BAZ2B: variants seen among roughly 807,000 people sequenced by gnomAD.
BAZ2B encodes the protein bromodomain adjacent to zinc finger domain 2B.
Under a neutral mutation model 246.0 loss-of-function variants are expected in BAZ2B, and 91 were observed. The observed-to-expected ratio is 0.37, with a 90% CI of 0.31 to 0.44. The LOEUF (loss-of-function observed/expected upper bound fraction) is 0.44, where lower values mean the gene tolerates loss of function less well. Among genes scored for constraint, BAZ2B ranks in the 20% least tolerant of loss-of-function variants. The pLI is 1.00. For synonymous variants in BAZ2B, 855 were observed against 860.0 expected (o/e 0.99, Z 0.10); for missense variants, 2,332 against 2,533.7 (o/e 0.92, Z 1.71).
chr2:159,388,974 G>C (rs939500785), intron 21 of BAZ2B, among the ~76,000 whole-genome samples: 2 of 152,140 alleles, frequency 1.3e-5, no homozygotes, highest in Admixed American at 6.6e-5. Flanking sequence ...CAGCAACTCA[G>C]AAGACTGAGG....
the BAZ2B span, among the ~76,000 whole-genome samples, chr2:159,655,577 T>C: frequency 3.9e-5 from 6 of 152,174 alleles, no homozygotes; most frequent in African/African-American, 1.4e-4. Context: ...TGTTCATTAA[T>C]TATTTCTTCA....
the BAZ2B span, among the ~76,000 whole-genome samples, chr2:159,626,898 C>T: frequency 1.3e-5 from 2 of 151,788 alleles, no homozygotes; most frequent in African/African-American, 4.8e-5. Flanking sequence ...TTGAAAAGAT[C>T]AACAAAAGAG....
the BAZ2B span, among the ~76,000 whole-genome samples, chr2:159,708,585 A>ATTTATTTC: frequency 1.4e-5 from 2 of 143,298 alleles, no homozygotes; most frequent in Admixed American, 7.0e-5. Context: ...TTATTTCTTT[A>ATTTATTTC]TTTATTTATT....
chr2:159,446,966 C>G lies in BAZ2B; in HGVS notation c.512G>C (p.Gly171Ala). The G allele has an allele frequency of 6.5e-7, 1 of 1,548,822 alleles. No homozygotes were observed. The highest frequency in any genetic ancestry group is 8.7e-7 in the Non-Finnish European group (1 of 1,151,120). The change falls in exon 6 of 37, where the codon GGG becomes GCG. Residue 171 changes from glycine to alanine, a missense_variant. Transcript: ENST00000392783. ...NRNGPEKGVN[G>A]SINGSNTSSV... ...TGATGTATTACTTCCATTTATTGAC[C>G]CATTTACACCTTGAAAATAAAAATA...
chr2:159,320,515 G>T, intron 36 of BAZ2B, 97 bp from the exon 37 acceptor site: 1 of 1,019,870 alleles, frequency 9.8e-7, no homozygotes, highest in Non-Finnish European at 1.4e-6. Flanking sequence ...AAAGAAAAAT[G>T]ATTAGGATAA....
the BAZ2B span, among the ~76,000 whole-genome samples, chr2:159,625,665 C>T: frequency 6.6e-6 from 1 of 152,148 alleles, no homozygotes; most frequent in Admixed American, 6.5e-5. Flanking sequence ...CTTACAAGAG[C>T]TCCTGAAGGA....
At position 159,614,777 on chromosome 2, in the gene BAZ2B, C is replaced by T. The variant is rs536974129; in HGVS notation, c.-46+1465G>A. On this transcript the variant is annotated intron_variant, in intron 1 of 36. Transcript: ENST00000392783. ...GAGCAAAACACAAAAATAAGCCACA[C>T]AACTTATCAGTAACCTGTAAGTTAC... Among the ~76,000 whole-genome samples the T allele has an allele frequency of 5.3e-5, 8 of 152,288 alleles. No homozygotes were observed. In the South Asian group the frequency reaches 1.7e-3, roughly 32 times the overall value.
At chr2:159,404,940 A>T (rs749854903) in intron 15 of BAZ2B, 30 bp from the exon 16 acceptor site, 4 of 1,612,398 alleles carry the variant, frequency 2.5e-6, no homozygotes, top group Non-Finnish European at 3.4e-6. Context: ...AGATATCATC[A>T]AAAAGGGAAT....
At chr2:159,471,297 T>C (rs781001323) in intron 3 of BAZ2B, among the ~76,000 whole-genome samples, 24 of 152,068 alleles carry the variant, frequency 1.6e-4, no homozygotes, top group Non-Finnish European at 2.9e-4. Flanking sequence ...CAGAAGAGTA[T>C]TGGGATATAA....
intron 31 of BAZ2B, among the ~76,000 whole-genome samples, chr2:159,345,213 A>G (rs1033998277): frequency 6.6e-4 from 53 of 80,284 alleles, no homozygotes; most frequent in Non-Finnish European, 1.1e-3. Context: ...CTTGGTCTCA[A>G]AAAAAAAAAA....
At chr2:159,337,375 G>T in intron 32 of BAZ2B, 192 bp downstream of exon 32, 1 of 1,363,752 alleles carries the variant, frequency 7.3e-7, no homozygotes, top group Non-Finnish European at 9.9e-7. Context: ...AGACATACAA[G>T]AAGATACATA....
chr2:159,411,926 A>C (rs1361161013), intron 14 of BAZ2B: 2 of 985,112 alleles, frequency 2.0e-6, no homozygotes, highest in Admixed American at 6.1e-5. Context: ...GAGTTCTCTG[A>C]CTGAAAATTT....
At chr2:159,575,277 T>C (rs899981921) in intron 1 of BAZ2B, among the ~76,000 whole-genome samples, 1 of 152,006 alleles carries the variant, frequency 6.6e-6, no homozygotes, top group Non-Finnish European at 1.5e-5. Context: ...TACTCCAGCC[T>C]GGGCGACAGA....
chr2:159,464,639 G>T (rs2076822832), intron 3 of BAZ2B: 1 of 152,156 alleles, frequency 6.6e-6, no homozygotes, highest in African/African-American at 2.4e-5. Context: ...AAGAAAAGCT[G>T]CCATTTAATA....
chr2:159,541,531 A>G (rs955371290), intron 2 of BAZ2B, among the ~76,000 whole-genome samples: 1 of 152,024 alleles, frequency 6.6e-6, no homozygotes, highest in African/African-American at 2.4e-5. Flanking sequence ...TGCCCACCTC[A>G]GCCTCCCAAA....
intron 1 of BAZ2B, among the ~76,000 whole-genome samples, chr2:159,569,329 G>C (rs1167696810): frequency 6.6e-6 from 1 of 152,100 alleles, no homozygotes; most frequent in East Asian, 1.9e-4. Flanking sequence ...ATTGTTTGGG[G>C]AGCAATTCAA....
At chr2:159,428,888 T>G (rs2150140946) in intron 11 of BAZ2B, among the ~76,000 whole-genome samples, 2 of 152,230 alleles carry the variant, frequency 1.3e-5, no homozygotes, top group Admixed American at 1.3e-4. Context: ...AATTCTATCT[T>G]CACAAAAACT....
intron 27 of BAZ2B, among the ~76,000 whole-genome samples, chr2:159,359,346 A>G (rs1419583614): frequency 2.0e-5 from 3 of 152,116 alleles, no homozygotes; most frequent in Non-Finnish European, 4.4e-5. Flanking sequence ...CAAATAAACT[A>G]AAAATCTGGA....
intron 1 of BAZ2B, among the ~76,000 whole-genome samples, chr2:159,564,664 T>G (rs1404827805): frequency 2.0e-5 from 3 of 152,136 alleles, no homozygotes; most frequent in Admixed American, 1.3e-4. Flanking sequence ...TAAATGACAT[T>G]GCCAAATTTT....
Sources: allele counts gnomAD v4.1 joint callset (sites outside exome capture counted in the v4.1 genomes callset), GRCh38; gene constraint gnomAD v4.1.1; transcripts MANE v1.5; gene names NCBI Gene and HGNC (gene_info 2026-07-23, HGNC 2026-07-21).